FKTN: variants seen among roughly 807,000 people sequenced by gnomAD.
The protein encoded by FKTN is fukutin.
In FKTN, 47 loss-of-function variants were observed where a neutral mutation model predicts 58.6. The ratio of observed to expected loss-of-function variants is 0.80; its 90% CI spans 0.63 to 1.02. The LOEUF (loss-of-function observed/expected upper bound fraction) is 1.02. Among genes scored for constraint, FKTN ranks in the 50% least tolerant of loss-of-function variants. FKTN has a pLI of 0.00. For synonymous variants in FKTN, 178 were observed against 191.9 expected (o/e 0.93, Z 0.60); for missense variants, 516 against 537.3 (o/e 0.96, Z 0.39).
chr9:105,602,974 A>T (rs1330907163), intron 5 of FKTN, among the ~76,000 whole-genome samples: 2 of 152,168 alleles, frequency 1.3e-5, no homozygotes, highest in African/African-American at 4.8e-5. Context: ...TTCTTTATTA[A>T]TGCCATTACC....
At chr9:105,626,570 A>C (rs1409869217) in intron 10 of FKTN, among the ~76,000 whole-genome samples, 1 of 152,210 alleles carries the variant, frequency 6.6e-6, no homozygotes, top group East Asian at 1.9e-4. Context: ...TAAACATTCA[A>C]ACCACAGCAA....
chr9:105,597,976 C>A, intron 4 of FKTN: 1 of 334,598 alleles, frequency 3.0e-6, no homozygotes, highest in East Asian at 8.3e-5. Context: ...ATAGAGAGAG[C>A]AGTCAGAGAA....
rs1854124 is a variant in FKTN, at chr9:105,640,305, G to A, written c.*5041G>A. On this transcript the variant is annotated 3_prime_UTR_variant, in exon 11 of 11. Transcript: ENST00000357998. ...GTGGCTCACACCTGTAATACCAGCA[G>A]TTTGAGAAGCTAAGGCAGGTGGATC... 0.077 allele frequency: 57,439 copies of A among 750,186 alleles called. 3,171 individuals carry two copies. The highest frequency in any genetic ancestry group is 0.23 in the African/African-American group (12,621 of 55,524). The allele number at this position is 750,186 out of a possible 1,614,324, so 46.5% of individuals were successfully genotyped here.
At chr9:105,611,099 T>G (rs971498935) in intron 7 of FKTN, among the ~76,000 whole-genome samples, 1 of 152,138 alleles carries the variant, frequency 6.6e-6, no homozygotes, top group South Asian at 2.1e-4. Context: ...CTCTAAGATT[T>G]TGGGCAAATT....
At chr9:105,611,793 G>A (rs1433528092) in intron 7 of FKTN, among the ~76,000 whole-genome samples, 1 of 152,080 alleles carries the variant, frequency 6.6e-6, no homozygotes, top group Non-Finnish European at 1.5e-5. Context: ...TGTGAATAGT[G>A]CTGCAGGGAA....
At chr9:105,619,482 G>T (rs75053912) in intron 9 of FKTN, among the ~76,000 whole-genome samples, 3,858 of 152,088 alleles carry the variant, frequency 0.025, 184 homozygotes, top group African/African-American at 0.088. Context: ...AGTATAATGA[G>T]CTAGACTATT....
At chr9:105,570,175 G>C (rs1258918347) in intron 1 of FKTN, among the ~76,000 whole-genome samples, 1 of 150,486 alleles carries the variant, frequency 6.6e-6, no homozygotes, top group Non-Finnish European at 1.5e-5. Flanking sequence ...CTGTTTTATT[G>C]TAAAAGTTCC....
At chr9:105,563,470 G>A (rs558483142) in intron 1 of FKTN, among the ~76,000 whole-genome samples, 2 of 152,268 alleles carry the variant, frequency 1.3e-5, no homozygotes, top group East Asian at 1.9e-4. Context: ...GTGCTTTTCC[G>A]ACAGTCTTAG....
chr9:105,590,757 G>C (rs1844723205), intron 3 of FKTN, among the ~76,000 whole-genome samples: 1 of 152,184 alleles, frequency 6.6e-6, no homozygotes, highest in Non-Finnish European at 1.5e-5. Context: ...ATGTTAATCT[G>C]TTCTTTCATT....
chr9:105,634,266 G>C (rs943971605), intron 10 of FKTN, among the ~76,000 whole-genome samples: 1 of 151,912 alleles, frequency 6.6e-6, no homozygotes, highest in Non-Finnish European at 1.5e-5. Context: ...TGAGTAGCTG[G>C]GACGACAGGA....
intron 3 of FKTN, among the ~76,000 whole-genome samples, chr9:105,581,375 T>G (rs985840817): frequency 1.3e-5 from 2 of 148,382 alleles, no homozygotes; most frequent in Non-Finnish European, 3.0e-5. Flanking sequence ...TTGTTAGTTT[T>G]CCTTCTAACA....
At chr9:105,615,115 C>T (rs529592378) in intron 7 of FKTN, among the ~76,000 whole-genome samples, 163 bp from the exon 8 acceptor site, 1 of 152,266 alleles carries the variant, frequency 6.6e-6, no homozygotes. Context: ...AACTCCTGAC[C>T]CCAAGTGATC....
chr9:105,615,420 C>A lies in FKTN; in HGVS notation c.910+13C>A, dbSNP rs375259473. 2 of 1,613,460 alleles carry A rather than the reference C, an allele frequency of 1.2e-6. No homozygotes were observed. Among genetic ancestry groups the A allele is most frequent in the South Asian group, 1.1e-5 (1 of 91,070 alleles). On this transcript the variant is annotated intron_variant, in intron 8 of 10. Coordinates refer to ENST00000357998, the MANE Select transcript of FKTN (RefSeq NM_001079802.2). ...GGAACTTGTCTAGGTAAAATTCTTA[C>A]GACTTTCCATTTGTCTTTCTGTCAT... is the stretch of plus-strand genomic sequence containing the variant.
At position 105,636,551 on chromosome 9, in the gene FKTN, C is replaced by G. The variant is rs1834049518; in HGVS notation, c.*1287C>G. 1 of 1,049,134 alleles carries G rather than the reference C, an allele frequency of 9.5e-7. No individual in the cohort carries two copies. Among genetic ancestry groups the G allele is most frequent in the African/African-American group, 1.7e-5 (1 of 59,118 alleles). 65.0% of individuals were successfully genotyped at this position (1,049,134 alleles called of 1,614,324 possible). ...TAGTTTCCTTTTCCCCTCAAGATGT[C>G]TGAGTCAGCTAGGATGCTGTTTACC... is the stretch of plus-strand genomic sequence containing the variant. On this transcript the variant is annotated 3_prime_UTR_variant, in exon 11 of 11. Coordinates refer to ENST00000357998, the MANE Select transcript of FKTN (RefSeq NM_001079802.2).
intron 1 of FKTN, among the ~76,000 whole-genome samples, chr9:105,566,969 C>T (rs1839760670): frequency 6.6e-6 from 1 of 152,080 alleles, no homozygotes; most frequent in African/African-American, 2.4e-5. Context: ...GCTTCATCCC[C>T]AGGATGCAAG....
chr9:105,602,633 G>T (rs529387096), intron 5 of FKTN, among the ~76,000 whole-genome samples: 6 of 152,332 alleles, frequency 3.9e-5, no homozygotes, highest in African/African-American at 1.4e-4. Context: ...TCTGTTCACT[G>T]CAATCTCCGC....
chr9:105,617,861 A>C (rs1831104974), intron 8 of FKTN, 98 bp from the exon 9 acceptor site: 1 of 850,358 alleles, frequency 1.2e-6, no homozygotes, highest in Admixed American at 2.6e-5. Context: ...TCTCTTTAAA[A>C]AAAAAGAAAA....
At chr9:105,593,900 A>G (rs1004984867) in intron 3 of FKTN, among the ~76,000 whole-genome samples, 2 of 152,208 alleles carry the variant, frequency 1.3e-5, no homozygotes, top group African/African-American at 4.8e-5. Context: ...AAGTGAGTTC[A>G]TGGGAGGAGA....
At chr9:105,573,199 C>T (rs1484256547) in intron 1 of FKTN, among the ~76,000 whole-genome samples, 1 of 150,970 alleles carries the variant, frequency 6.6e-6, no homozygotes, top group Non-Finnish European at 1.5e-5. Flanking sequence ...CGTGCCACTG[C>T]ACTCCATCCA....
Sources: gnomAD v4.1 joint callset for allele counts (sites outside exome capture counted in the v4.1 genomes callset) on GRCh38, gnomAD v4.1.1 for gene constraint, MANE v1.5 for transcripts, NCBI Gene and HGNC (gene_info 2026-07-23, HGNC 2026-07-21) for gene names.